Variants in JPH1 observed in about 807,000 individuals in gnomAD.
JPH1 encodes junctophilin 1, also known as junctophilin-1.
Under a neutral mutation model 53.6 loss-of-function variants are expected in JPH1, and 12 were observed. The observed-to-expected ratio is 0.22, with a 90% CI of 0.14 to 0.36. The LOEUF (loss-of-function observed/expected upper bound fraction) is 0.36, where lower values mean the gene tolerates loss of function less well. Ranked by LOEUF, JPH1 falls within the 10% of genes least tolerant of loss-of-function variation. The pLI is 1.00. For missense variants in JPH1, 808 were observed against 905.5 expected, an observed-to-expected ratio of 0.89 and a Z score of 1.38; for synonymous variants, 375 against 363.8, an observed-to-expected ratio of 1.03 and a Z score of -0.35.
At chr8:74,287,419 C>CA (rs5892447) in intron 2 of JPH1, among the ~76,000 whole-genome samples, 9,534 of 122,156 alleles carry the variant, frequency 0.078, 957 homozygotes, top group African/African-American at 0.25. Context: ...GACTCTGTCT[C>CA]AAAAAAAAAA....
At position 74,315,339 on chromosome 8, in the gene JPH1, T is replaced by A; in HGVS notation, c.661A>T (p.Met221Leu). The A allele has an allele frequency of 6.2e-7, 1 of 1,613,566 alleles. No individual in the cohort carries two copies. Among genetic ancestry groups the A allele is most frequent in the Non-Finnish European group, 8.5e-7 (1 of 1,180,004 alleles). The part of the protein sequence containing the change: ...LFRRGSLLGS[M>L]KLRKSESKSS... ...TTGGATTCGGACTTGCGAAGTTTCA[T>A]GCTTCCAAGAAGGGAGCCCCTCCGG... The change falls in exon 2 of 6, where the codon ATG becomes TTG. Residue 221 changes from methionine (M) to leucine (L), a missense_variant. By Grantham distance (15) the Met-to-Leu change is conservative (BLOSUM62 2). Around this residue, in one of 2 missense-constraint regions of JPH1, gnomAD observed 756 missense variants for 811.9 expected, o/e 0.93. Coordinates refer to ENST00000342232, the MANE Select transcript of JPH1 (RefSeq NM_020647.4). This position sits in a 1 kb window ranked among gnomAD's most constrained non-coding sequence, Gnocchi z 6.3.
chr8:74,292,595 C>A (rs527594255), intron 2 of JPH1, among the ~76,000 whole-genome samples: 3 of 152,016 alleles, frequency 2.0e-5, no homozygotes, highest in African/African-American at 7.3e-5. Context: ...CACTTACAAA[C>A]GGGTAAAATG....
intron 2 of JPH1, among the ~76,000 whole-genome samples, chr8:74,312,325 C>A (rs989849095): frequency 2.9e-4 from 44 of 152,106 alleles, no homozygotes; most frequent in African/African-American, 9.7e-4. Flanking sequence ...AATCACAGCT[C>A]ACTACAGTCT....
intron 1 of JPH1, among the ~76,000 whole-genome samples, chr8:74,317,605 A>G (rs1272949454): frequency 6.6e-6 from 1 of 152,218 alleles, no homozygotes; most frequent in Non-Finnish European, 1.5e-5. Flanking sequence ...TGAAGATACT[A>G]AAATAAACCA....
intron 3 of JPH1, among the ~76,000 whole-genome samples, chr8:74,245,545 A>C (rs904242606): frequency 6.6e-6 from 1 of 152,246 alleles, no homozygotes; most frequent in Admixed American, 6.5e-5. Flanking sequence ...GACTACTGTA[A>C]GCATCTGAAA....
chr8:74,289,043 G>A (rs1201590077), intron 2 of JPH1, among the ~76,000 whole-genome samples: 1 of 152,180 alleles, frequency 6.6e-6, no homozygotes, highest in East Asian at 1.9e-4. Flanking sequence ...TGTGAAGGGA[G>A]TGGGGAAGCT....
intron 3 of JPH1, among the ~76,000 whole-genome samples, chr8:74,248,142 A>G (rs1304568336): frequency 6.6e-6 from 1 of 152,196 alleles, no homozygotes; most frequent in Non-Finnish European, 1.5e-5. Context: ...GCAGTAAGAA[A>G]GGCATGTCTT....
intron 2 of JPH1, among the ~76,000 whole-genome samples, chr8:74,307,636 A>G (rs146015208): frequency 2.9e-3 from 443 of 152,342 alleles, no homozygotes; most frequent in African/African-American, 0.01. Context: ...CTCAGAAGGC[A>G]TCAGAAGGAT....
Position 74,259,497 on chromosome 8 carries a change from T to C in JPH1, c.1146A>G (p.Ala382=). Residue 382 remains alanine, a synonymous_variant, in exon 3 of 6, where the codon GCA becomes GCG. Coordinates refer to ENST00000342232, the MANE Select transcript of JPH1 (RefSeq NM_020647.4). The part of the protein sequence containing the change: ...TKVEIANSRT[A]HARAKADAAD... ...CGGCATCGGCCTTCGCTCTGGCATG[T>C]GCAGTCCTACACGGGGCACAAAAGG... The C allele has an allele frequency of 2.5e-6, 4 of 1,606,510 alleles. No homozygotes were observed. Among genetic ancestry groups the C allele is most frequent in the African/African-American group, 2.7e-5 (2 of 74,882 alleles).
chr8:74,270,183 C>T (rs1050722171), intron 2 of JPH1, among the ~76,000 whole-genome samples: 8 of 152,134 alleles, frequency 5.3e-5, no homozygotes, highest in African/African-American at 1.9e-4. Flanking sequence ...ATTTGGTTTT[C>T]ATCAAGGTTA....
intron 2 of JPH1, among the ~76,000 whole-genome samples, chr8:74,299,238 C>T (rs925277648): frequency 2.6e-5 from 4 of 152,098 alleles, no homozygotes; most frequent in African/African-American, 7.2e-5. Context: ...CTAATCATAC[C>T]GGGACCTTCT....
At chr8:74,310,656 G>GAAGCA (rs1807966918) in intron 2 of JPH1, among the ~76,000 whole-genome samples, 1 of 152,152 alleles carries the variant, frequency 6.6e-6, no homozygotes, top group African/African-American at 2.4e-5. Flanking sequence ...CCTCTTCAGA[G>GAAGCA]AAGCAAAGCA....
chr8:74,314,400 C>A (rs1808078776), intron 2 of JPH1, among the ~76,000 whole-genome samples: 1 of 152,154 alleles, frequency 6.6e-6, no homozygotes, highest in African/African-American at 2.4e-5. Flanking sequence ...AGTGTACATA[C>A]CTCCGATGTA....
rs575665216 is a variant in JPH1 at position 74,255,113 on chromosome 8, C to T, written c.1258+4272G>A. On this transcript the variant is annotated intron_variant, in intron 3 of 5. Coordinates refer to ENST00000342232, the MANE Select transcript of JPH1 (RefSeq NM_020647.4). ...TCAATCCTAAGCCAAAAGAACAAAG[C>T]TGGAGGCATCACGCTACCTGACTTC... Among the ~76,000 whole-genome samples, 482 of 152,252 alleles carry T rather than the reference C, an allele frequency of 3.2e-3. 5 individuals are homozygous for T. Among genetic ancestry groups the T allele is most frequent in the African/African-American group, 5.0e-3 (206 of 41,504 alleles).
At chr8:74,301,855 TG>T (rs1807691965) in intron 2 of JPH1, among the ~76,000 whole-genome samples, 2 of 152,150 alleles carry the variant, frequency 1.3e-5, no homozygotes, top group Non-Finnish European at 2.9e-5. Context: ...AATGAAACAG[TG>T]GCCAAATGAA....
chr8:74,315,706 T>G lies in JPH1; in HGVS notation c.380-86A>C. The G allele has an allele frequency of 7.5e-7, 1 of 1,326,436 alleles. No homozygotes were observed. The highest frequency in any genetic ancestry group is 1.0e-6 in the Non-Finnish European group (1 of 992,230). 82.2% of individuals were successfully genotyped at this position (1,326,436 alleles called of 1,614,324 possible). A position where few individuals can be genotyped will look rare whatever the true frequency, so the allele number is the denominator to read the frequency against. On this transcript the variant is annotated intron_variant, in intron 1 of 5. Coordinates refer to ENST00000342232, the MANE Select transcript of JPH1 (RefSeq NM_020647.4). This position sits in a 1 kb window ranked among gnomAD's most constrained non-coding sequence, Gnocchi z 6.3. ...CATCCAGCGCACACTGGCGCAGGCC[T>G]GCCCAAGGTCAAATCTGACCCATTT...
rs1325502738 is a variant in JPH1, at chr8:74,245,077, G to A, written c.1357C>T (p.Pro453Ser). ...PEKPPTPKES[P>S]HFYRKGTTPP... is the part of the protein sequence containing the mutation. ...GTCGTGCCTTTGCGATAAAAATGAG[G>A]AGACTCCTTTGGTGTAGGTGGCTTT... Residue 453 changes from proline (P) to serine (S), a missense_variant, in exon 4 of 6, where the codon CCT becomes TCT. This residue lies in a region of JPH1 where 756 missense variants were observed against 811.9 expected (regional missense o/e 0.93). Coordinates refer to ENST00000342232, the MANE Select transcript of JPH1 (RefSeq NM_020647.4). 6.2e-7 allele frequency: 1 copy of A among 1,613,644 alleles called. No individual in the cohort carries two copies. The highest frequency in any genetic ancestry group is 1.7e-5 in the Admixed American group (1 of 59,950).
chr8:74,287,983 C>G (rs535325008), intron 2 of JPH1, among the ~76,000 whole-genome samples: 3 of 151,784 alleles, frequency 2.0e-5, no homozygotes, highest in Admixed American at 6.6e-5. Context: ...GCTAGAAAAC[C>G]CTTGACAACA....
intron 2 of JPH1, among the ~76,000 whole-genome samples, chr8:74,306,314 A>G: frequency 6.6e-6 from 1 of 152,142 alleles, no homozygotes; most frequent in East Asian, 1.9e-4. Context: ...ACACAGAGAG[A>G]ATTCTCAATG....
Sources: allele counts gnomAD v4.1 joint callset (sites outside exome capture counted in the v4.1 genomes callset), GRCh38; gene constraint gnomAD v4.1.1; regional missense constraint gnomAD v4.1.1; non-coding constraint Gnocchi (gnomAD v3.1); transcripts MANE v1.5; gene names NCBI Gene and HGNC (gene_info 2026-07-23, HGNC 2026-07-21).